Variants in SH3GLB1 observed in about 807,000 individuals in gnomAD.
SH3GLB1 encodes endophilin-B1.
SH3GLB1 carries 17 observed loss-of-function variants against 42.0 expected under a neutral mutation model. That is an observed-to-expected ratio of 0.40 (90% CI 0.28 to 0.61). The LOEUF is 0.61. Among genes scored for constraint, SH3GLB1 ranks in the 20% least tolerant of loss-of-function variants. SH3GLB1 has a pLI of 0.36. For synonymous variants in SH3GLB1, 132 were observed against 146.6 expected (o/e 0.90, Z 0.72); for missense variants, 355 against 426.3 (o/e 0.83, Z 1.47).
intron 1 of SH3GLB1, among the ~76,000 whole-genome samples, chr1:86,711,177 A>G (rs1054739727): frequency 2.0e-5 from 3 of 152,134 alleles, no homozygotes; most frequent in African/African-American, 7.2e-5. Context: ...AATACTGGTG[A>G]TTAGAGTTTG....
chr1:86,715,922 A>T, intron 2 of SH3GLB1, 57 bp downstream of exon 2: 1 of 1,198,250 alleles, frequency 8.3e-7, no homozygotes, highest in Non-Finnish European at 1.1e-6. Flanking sequence ...TTTAAATGTT[A>T]AAAAAAAAAG....
rs1179113384 is a variant in SH3GLB1 at position 86,747,848 on chromosome 1, T to C, written c.*4613T>C. ...TTAAAGAATTGTTAATGCTTTTTTA[T>C]AATACAAGTCATAGCCCTGTTGGCA... is the stretch of plus-strand genomic sequence containing the variant. On this transcript the variant is annotated 3_prime_UTR_variant, in exon 9 of 9. Transcript: ENST00000370558. 6.6e-6 allele frequency: 1 copy of C among 152,234 alleles called. No individual in the cohort carries two copies. Among genetic ancestry groups the C allele is most frequent in the Non-Finnish European group, 1.5e-5 (1 of 68,044 alleles). The allele number at this position is 152,234 out of a possible 1,614,324, so 9.4% of individuals were successfully genotyped here.
Position 86,715,792 on chromosome 1 carries a change from C to T in SH3GLB1, c.141C>T (p.Ser47=). The T allele has an allele frequency of 1.2e-6, 2 of 1,612,576 alleles. No homozygotes were observed. Among genetic ancestry groups the T allele is most frequent in the Non-Finnish European group, 1.7e-6 (2 of 1,179,648 alleles). The part of the protein sequence containing the change: ...ELDAHLENLL[S]KAECTKIWTE... ...ATGCTCACTTAGAGAACCTCCTTAG[C>T]AAAGCTGAATGTACCAAAATATGGA... Residue 47 remains serine, a synonymous_variant, in exon 2 of 9, where the codon AGC becomes AGT. Transcript: ENST00000370558.
At chr1:86,736,717 G>T (rs1045686639) in intron 7 of SH3GLB1, among the ~76,000 whole-genome samples, 1 of 152,152 alleles carries the variant, frequency 6.6e-6, no homozygotes, top group African/African-American at 2.4e-5. Flanking sequence ...ATAAGCTCCA[G>T]CAATACAAAG....
intron 7 of SH3GLB1, among the ~76,000 whole-genome samples, chr1:86,737,262 G>A (rs924680423): frequency 6.6e-5 from 10 of 151,998 alleles, no homozygotes; most frequent in South Asian, 2.1e-4. Flanking sequence ...ATTTTTTAAC[G>A]TATCAATAAA....
chr1:86,736,085 A>G (rs1655764590), intron 7 of SH3GLB1, among the ~76,000 whole-genome samples: 2 of 152,210 alleles, frequency 1.3e-5, no homozygotes, highest in African/African-American at 2.4e-5. Context: ...GAGTAGGGAA[A>G]GTTCGGGGAA....
intron 5 of SH3GLB1, chr1:86,730,406 A>C: frequency 1.0e-6 from 1 of 981,838 alleles, no homozygotes; most frequent in Non-Finnish European, 1.2e-6. Context: ...AATGCTTGTT[A>C]ATGATTTTTT....
chr1:86,721,277 A>G (rs764061606), intron 3 of SH3GLB1, among the ~76,000 whole-genome samples: 4 of 152,204 alleles, frequency 2.6e-5, no homozygotes, highest in Non-Finnish European at 1.5e-5. Context: ...ATATATTTAC[A>G]TATTAATTCT....
chr1:86,711,902 T>G (rs1654235153), intron 1 of SH3GLB1, among the ~76,000 whole-genome samples: 1 of 152,056 alleles, frequency 6.6e-6, no homozygotes, highest in African/African-American at 2.4e-5. Context: ...CCATAAATAT[T>G]TTTGATTAGT....
intron 5 of SH3GLB1, among the ~76,000 whole-genome samples, chr1:86,727,815 C>A (rs1655275390): frequency 6.6e-6 from 1 of 151,988 alleles, no homozygotes; most frequent in Non-Finnish European, 1.5e-5. Context: ...GAAAATATTT[C>A]TTTAACATCA....
chr1:86,724,895 AT>A (rs1558315190), intron 5 of SH3GLB1, among the ~76,000 whole-genome samples: 3 of 125,988 alleles, frequency 2.4e-5, no homozygotes, highest in Non-Finnish European at 4.8e-5. Context: ...AAAAAAAAAT[AT>A]ATATATATAT....
At chr1:86,733,424 G>GT (rs953190772) in intron 5 of SH3GLB1, among the ~76,000 whole-genome samples, 15 of 151,916 alleles carry the variant, frequency 9.9e-5, no homozygotes, top group Admixed American at 4.6e-4. Flanking sequence ...ACCTTGTTGG[G>GT]TTTTTTTTGT....
chr1:86,709,997 C>T (rs887753674), intron 1 of SH3GLB1, among the ~76,000 whole-genome samples: 5 of 152,092 alleles, frequency 3.3e-5, no homozygotes, highest in Admixed American at 6.5e-5. Flanking sequence ...GAATTCACAC[C>T]GTGACAACTT....
intron 5 of SH3GLB1, chr1:86,730,041 C>T: frequency 6.6e-7 from 1 of 1,526,338 alleles, no homozygotes; most frequent in Non-Finnish European, 8.9e-7. Context: ...AAAATAAATT[C>T]CAACTTTCAT....
Position 86,722,535 on chromosome 1 carries a change from TGCAGG to T in SH3GLB1, c.344-4_344del. 6.4e-7 allele frequency: 1 copy of T among 1,565,308 alleles called. No individual in the cohort carries two copies. Among genetic ancestry groups the T allele is most frequent in the Non-Finnish European group, 8.6e-7 (1 of 1,162,424 alleles). On this transcript the variant is annotated splice_acceptor_variant and splice_polypyrimidine_tract_variant and coding_sequence_variant and intron_variant, in exon 4 of 9. Coordinates refer to ENST00000370558, the MANE Select transcript of SH3GLB1 (RefSeq NM_016009.5). LOFTEE classifies it high-confidence loss of function. ...ATGATTTTTAAAAACATTTTTCCTT[TGCAGG>T]TAATGCCCTTATTAAATGTGGAGAA...
chr1:86,742,933 C>T (rs1656126455), intron 8 of SH3GLB1, among the ~76,000 whole-genome samples, 195 bp from the exon 9 acceptor site: 1 of 152,152 alleles, frequency 6.6e-6, no homozygotes, highest in Admixed American at 6.5e-5. Context: ...TGCACTACAG[C>T]CTGGGCAACA....
chr1:86,722,296 A>G (rs1654911035), intron 3 of SH3GLB1, among the ~76,000 whole-genome samples: 2 of 151,938 alleles, frequency 1.3e-5, no homozygotes, highest in Admixed American at 1.3e-4. Context: ...TCCCATTGGT[A>G]GAATTGGTAC....
chr1:86,741,590 C>T (rs546200384), intron 7 of SH3GLB1, among the ~76,000 whole-genome samples: 1 of 152,234 alleles, frequency 6.6e-6, no homozygotes, highest in African/African-American at 2.4e-5. Context: ...AATTAGCAGT[C>T]ATATTATTTG....
intron 7 of SH3GLB1, among the ~76,000 whole-genome samples, chr1:86,741,547 A>G (rs930064008): frequency 6.6e-5 from 10 of 152,212 alleles, no homozygotes; most frequent in African/African-American, 2.4e-4. Flanking sequence ...AATTTGTCCT[A>G]TTCTACCATT....
Sources: gnomAD v4.1 joint callset for allele counts (sites outside exome capture counted in the v4.1 genomes callset) on GRCh38, gnomAD v4.1.1 for gene constraint, MANE v1.5 for transcripts, NCBI Gene and HGNC (gene_info 2026-07-23, HGNC 2026-07-21) for gene names.